The following NRG1 variants were observed in gnomAD, a reference collection of about 807,000 sequenced individuals.
NRG1 encodes neuregulin 1.
In NRG1, 18 loss-of-function variants were observed where a neutral mutation model predicts 63.8. The observed-to-expected ratio is 0.28, with a 90% confidence interval of 0.19 to 0.42. The LOEUF (loss-of-function observed/expected upper bound fraction) is 0.42, where lower values mean the gene tolerates loss of function less well. Ranked by LOEUF, NRG1 falls within the 10% of genes least tolerant of loss-of-function variation. The pLI is 1.00. For missense variants in NRG1, 762 were observed against 814.7 expected, an observed-to-expected ratio of 0.94 and a Z score of 0.79; for synonymous variants, 302 against 301.3, an observed-to-expected ratio of 1.00 and a Z score of -0.02.
chr8:32,066,529 T>C (rs1290287186), intron 1 of NRG1, among the ~76,000 whole-genome samples: 1 of 152,132 alleles, frequency 6.6e-6, no homozygotes, highest in Non-Finnish European at 1.5e-5. Flanking sequence ...AGGGCTCTGT[T>C]CTGTTCCATT....
intron 1 of NRG1, among the ~76,000 whole-genome samples, chr8:32,196,308 G>A (rs935650205): frequency 1.3e-5 from 2 of 152,168 alleles, no homozygotes; most frequent in Non-Finnish European, 1.5e-5. Flanking sequence ...TACGGAAGAA[G>A]GGTAGAGGAA....
chr8:32,395,914 C>T (rs1812382369), intron 1 of NRG1, among the ~76,000 whole-genome samples: 1 of 152,004 alleles, frequency 6.6e-6, no homozygotes, highest in Non-Finnish European at 1.5e-5. Flanking sequence ...ATATATGGTG[C>T]AAGTTATGGA....
chr8:31,768,564 G>A (rs1010872835), intron 1 of NRG1, among the ~76,000 whole-genome samples: 5 of 152,146 alleles, frequency 3.3e-5, no homozygotes, highest in Non-Finnish European at 5.9e-5. Context: ...TCAACTATCT[G>A]CTGGTACTCA....
At chr8:32,333,382 T>C (rs1802882457) in intron 1 of NRG1, among the ~76,000 whole-genome samples, 1 of 152,192 alleles carries the variant, frequency 6.6e-6, no homozygotes, top group African/African-American at 2.4e-5. Flanking sequence ...GGTATTCTCC[T>C]ATGGTATTAA....
chr8:31,947,972 A>C (rs1340248286), intron 1 of NRG1, among the ~76,000 whole-genome samples: 3 of 147,686 alleles, frequency 2.0e-5, no homozygotes, highest in African/African-American at 7.5e-5. Flanking sequence ...AAAAAAAAAA[A>C]CTACTACTTA....
intron 1 of NRG1, among the ~76,000 whole-genome samples, chr8:31,808,632 A>G (rs1304180750): frequency 6.6e-6 from 1 of 151,946 alleles, no homozygotes; most frequent in Non-Finnish European, 1.5e-5. Flanking sequence ...TTTGTCTCAT[A>G]GTTATTGTTA....
rs543051336 is a variant in NRG1, at chr8:32,715,769, G to T, written c.503-12180G>T. 7.9e-5 allele frequency among the ~76,000 whole-genome samples: 12 copies of T among 151,980 alleles called. No homozygotes were observed. The East Asian group carries it at 2.1e-3, about 27-fold the overall frequency. On this transcript the variant is annotated intron_variant, in intron 5 of 11. Transcript: ENST00000356819. Reference sequence around the variant, plus strand: ...TTCTCCTGCCTCAGCCTCCTGAGTAGCTGAGTAGCCTCCTGAGGCGTGTGC... The same window carrying T: ...TTCTCCTGCCTCAGCCTCCTGAGTATCTGAGTAGCCTCCTGAGGCGTGTGC...
chr8:32,005,990 A>G (rs1404869639), intron 1 of NRG1, among the ~76,000 whole-genome samples: 4 of 151,930 alleles, frequency 2.6e-5, no homozygotes, highest in South Asian at 2.1e-4. Flanking sequence ...TATTTGTCCA[A>G]TTTACTACCT....
chr8:32,042,961 A>AGTGTGTGTGTGTATGTGT (rs1820316378), intron 1 of NRG1, among the ~76,000 whole-genome samples: 2 of 139,902 alleles, frequency 1.4e-5, no homozygotes, highest in African/African-American at 5.2e-5. Context: ...GAAAGAGTGC[A>AGTGTGTGTGTGTATGTGT]GTGTGTGTGT....
At chr8:32,192,663 T>G (rs1842604976) in intron 1 of NRG1, among the ~76,000 whole-genome samples, 1 of 152,052 alleles carries the variant, frequency 6.6e-6, no homozygotes, top group South Asian at 2.1e-4. Context: ...TGGGATTATT[T>G]GTATCCCAAA....
intron 1 of NRG1, among the ~76,000 whole-genome samples, chr8:32,432,290 G>A (rs1818243308): frequency 6.6e-6 from 1 of 152,096 alleles, no homozygotes; most frequent in African/African-American, 2.4e-5. Flanking sequence ...ACTAAACAGT[G>A]TTCTAGGCAT....
At chr8:32,412,404 C>T (rs1203870761) in intron 1 of NRG1, among the ~76,000 whole-genome samples, 1 of 91,158 alleles carries the variant, frequency 1.1e-5, no homozygotes, top group African/African-American at 3.8e-5. Context: ...TCTCTCCTCT[C>T]TCTCTCTCTC....
At chr8:31,739,332 A>T (rs537312127) in intron 1 of NRG1, among the ~76,000 whole-genome samples, 1 of 152,216 alleles carries the variant, frequency 6.6e-6, no homozygotes, top group African/African-American at 2.4e-5. Context: ...TACTAATTCT[A>T]AAAGGCTATT....
chr8:32,329,208 A>T (rs1048739466), intron 1 of NRG1, among the ~76,000 whole-genome samples: 1 of 152,054 alleles, frequency 6.6e-6, no homozygotes, highest in Non-Finnish European at 1.5e-5. Context: ...GGCTCAAGAG[A>T]TCCTCCCACT....
intron 1 of NRG1, among the ~76,000 whole-genome samples, chr8:32,465,336 A>T (rs1822919990): frequency 6.6e-6 from 1 of 152,226 alleles, no homozygotes; most frequent in South Asian, 2.1e-4. Context: ...ACCATATCAT[A>T]AACGTATATT....
rs1803694459 is a variant in NRG1, at chr8:31,640,843, G to C, written c.37+1412G>C. 5.0e-6 allele frequency: 7 copies of C among 1,404,994 alleles called. 1 individual carries two copies. In the South Asian group the frequency reaches 1.1e-4, roughly 22 times the overall value. 87.0% of individuals were successfully genotyped at this position (1,404,994 alleles called of 1,614,324 possible). A position where few individuals can be genotyped will look rare whatever the true frequency, so the allele number is the denominator to read the frequency against. ...CAAGGCAGAGGCGCTCTGGGTCCCA[G>C]TTGTTGGTTTCAGGGTGGTGGGTTC... On this transcript the variant is annotated intron_variant, in intron 1 of 10. Transcript: ENST00000519301. This position sits in a 1 kb window ranked among gnomAD's most constrained non-coding sequence, Gnocchi z 6.3.
At chr8:32,297,329 A>T (rs1420604635) in intron 1 of NRG1, among the ~76,000 whole-genome samples, 1 of 152,166 alleles carries the variant, frequency 6.6e-6, no homozygotes, top group Non-Finnish European at 1.5e-5. Flanking sequence ...AACCATAAAT[A>T]GAATTTTCCT....
intron 5 of NRG1, among the ~76,000 whole-genome samples, chr8:32,681,858 G>C (rs1415669466): frequency 1.3e-5 from 2 of 152,118 alleles, no homozygotes; most frequent in Non-Finnish European, 2.9e-5. Context: ...GACTTTAAAG[G>C]CATCACAAAA....
At chr8:31,883,476 A>G (rs1298498377) in intron 1 of NRG1, among the ~76,000 whole-genome samples, 1 of 152,138 alleles carries the variant, frequency 6.6e-6, no homozygotes, top group Non-Finnish European at 1.5e-5. Flanking sequence ...AAATGTTATC[A>G]GTAAGATGTG....
Sources: allele counts gnomAD v4.1 joint callset (sites outside exome capture counted in the v4.1 genomes callset), GRCh38; gene constraint gnomAD v4.1.1; non-coding constraint Gnocchi (gnomAD v3.1); transcripts MANE v1.5; gene names NCBI Gene and HGNC (gene_info 2026-07-23, HGNC 2026-07-21).